TMEM168: variants seen among roughly 807,000 people sequenced by gnomAD.
TMEM168 encodes the protein transmembrane protein 168.
TMEM168 carries 40 observed loss-of-function variants against 53.2 expected under a neutral mutation model. The observed-to-expected ratio is 0.75, with a 90% CI of 0.58 to 0.98. The LOEUF (loss-of-function observed/expected upper bound fraction) is 0.98, where lower values mean the gene tolerates loss of function less well. Among genes scored for constraint, TMEM168 ranks in the 50% least tolerant of loss-of-function variants. The probability of loss-of-function intolerance (pLI) is 0.00; values close to 1 mark genes in which losing one functional copy is unlikely to be tolerated. For missense variants in TMEM168, 771 were observed against 828.8 expected (o/e 0.93, Z 0.86); for synonymous variants, 282 against 293.0 (o/e 0.96, Z 0.38).
In TMEM168 at chr7:112,765,854, C is replaced by CTAACT. The variant is rs1297544390; in HGVS notation, c.*1338_*1342dup. The CTAACT allele has an allele frequency of 6.6e-6, 1 of 152,324 alleles. No individual in the cohort carries two copies. Among genetic ancestry groups the CTAACT allele is most frequent in the African/African-American group, 2.4e-5 (1 of 41,380 alleles). The allele number at this position is 152,324 out of a possible 1,614,324, so 9.4% of individuals were successfully genotyped here. A position where few individuals can be genotyped will look rare whatever the true frequency, so the allele number is the denominator to read the frequency against. On this transcript the variant is annotated 3_prime_UTR_variant, in exon 5 of 5. Transcript: ENST00000312814. Reference sequence around the variant, plus strand: ...CAAGTTCCCTGACTCTAACTTCTTCCTAACTTAAAAGTTCAATTTTCAAGT... The same window carrying CTAACT: ...CAAGTTCCCTGACTCTAACTTCTTCCTAACTTAACTTAAAAGTTCAATTTTCAAGT...
At chr7:112,769,908 G>C (rs1031450128) in intron 4 of TMEM168, among the ~76,000 whole-genome samples, 2 of 152,108 alleles carry the variant, frequency 1.3e-5, no homozygotes, top group African/African-American at 4.8e-5. Context: ...TGTGAGTGAA[G>C]GTATGGGATA....
chr7:112,775,279 A>T lies in TMEM168; in HGVS notation c.1168T>A (p.Leu390Met). Residue 390 changes from leucine (L) to methionine (M), a missense_variant, in exon 3 of 5, where the codon TTG becomes ATG. Leu to Met is a conservative substitution (Grantham distance 15, BLOSUM62 2). Transcript: ENST00000312814. ...GIFLSMFLIVLPLESMAHGLF... is the reference protein window; with the variant it reads ...GIFLSMFLIVMPLESMAHGLF... ...CCATGAGCCATGGATTCCAATGGCAAAACGATTAGAAACATGCTCAAGAAA... is the reference window on the plus strand; with the variant it reads ...CCATGAGCCATGGATTCCAATGGCATAACGATTAGAAACATGCTCAAGAAA... 1.2e-6 allele frequency: 2 copies of T among 1,613,474 alleles called. No homozygotes were observed.
intron 3 of TMEM168, among the ~76,000 whole-genome samples, chr7:112,774,042 T>C (rs1793002444): frequency 6.6e-6 from 1 of 152,194 alleles, no homozygotes; most frequent in African/African-American, 2.4e-5. Flanking sequence ...TTCCTACAAA[T>C]AGTCTATTTG....
At chr7:112,770,595 G>A (rs893013239) in intron 4 of TMEM168, among the ~76,000 whole-genome samples, 8 of 125,186 alleles carry the variant, frequency 6.4e-5, no homozygotes, top group South Asian at 2.4e-4. Flanking sequence ...GAAAAACTGC[G>A]AGAGATATAT....
chr7:112,765,747 A>ATTT lies in TMEM168; in HGVS notation c.*1447_*1449dup, dbSNP rs1157845497. 3 of 152,620 alleles carry ATTT rather than the reference A, an allele frequency of 2.0e-5. No individual in the cohort carries two copies. The highest frequency in any genetic ancestry group is 4.4e-5 in the Non-Finnish European group (3 of 68,018). 9.5% of individuals were successfully genotyped at this position (152,620 alleles called of 1,614,324 possible). ...AAATAAAAAATTAATTTTTAACAAA[A>ATTT]TTTTATTTAGAGCATTAGGAAAATC... On this transcript the variant is annotated 3_prime_UTR_variant, in exon 5 of 5. Transcript: ENST00000312814.
intron 4 of TMEM168, among the ~76,000 whole-genome samples, chr7:112,768,129 T>C (rs1310359496): frequency 6.6e-6 from 1 of 152,190 alleles, no homozygotes; most frequent in Non-Finnish European, 1.5e-5. Flanking sequence ...CCACCTCTTT[T>C]TGTATGGCCT....
intron 2 of TMEM168, among the ~76,000 whole-genome samples, chr7:112,777,619 G>A (rs1379873494): frequency 6.6e-6 from 1 of 151,986 alleles, no homozygotes; most frequent in Non-Finnish European, 1.5e-5. Flanking sequence ...CTTCTGAACT[G>A]TATCTTCCAG....
Position 112,772,849 on chromosome 7 carries a change from G to C in TMEM168, c.1478C>G (p.Pro493Arg), listed in dbSNP as rs764779279. 6.2e-7 allele frequency: 1 copy of C among 1,614,020 alleles called. No individual in the cohort carries two copies. Among genetic ancestry groups the C allele is most frequent in the East Asian group, 2.2e-5 (1 of 44,872 alleles). ...ATACAAAATATACGTATCATGTCTG[G>C]GTCCATCCACTGTCCGAAGTTCGAG... ...AFLELRTVDG[P>R]RHDTYILYYS... The change falls in exon 4 of 5, where the codon CCC (proline) becomes CGC (arginine). Residue 493 changes from proline to arginine, a missense_variant. Physicochemically the swap from Pro to Arg is moderately radical, Grantham distance 103. Coordinates refer to ENST00000312814, the MANE Select transcript of TMEM168 (RefSeq NM_022484.6).
intron 1 of TMEM168, chr7:112,788,310 T>G (rs1361622861): frequency 6.6e-6 from 1 of 152,170 alleles, no homozygotes; most frequent in African/African-American, 2.4e-5. Context: ...CACACATATA[T>G]TAATCTACCT....
chr7:112,785,613 T>C (rs1793357797), intron 1 of TMEM168, among the ~76,000 whole-genome samples: 2 of 152,292 alleles, frequency 1.3e-5, no homozygotes, highest in African/African-American at 2.4e-5. Flanking sequence ...ACTATCTCTA[T>C]AGCAAACCAA....
Position 112,784,154 on chromosome 7 carries a change from A to T in TMEM168, c.672T>A (p.Ile224=), listed in dbSNP as rs921265456. The change falls in exon 2 of 5, where the codon ATT becomes ATA. Residue 224 remains isoleucine, a synonymous_variant. Coordinates refer to ENST00000312814, the MANE Select transcript of TMEM168 (RefSeq NM_022484.6). The part of the protein sequence containing the change: ...FSSLETPKNP[I]AFACFFICLI... ...GGCAAATAAAAAAACACGCAAAAGCAATCGGATTTTTGGGAGTTTCCAATG... is the reference window on the plus strand; with the variant it reads ...GGCAAATAAAAAAACACGCAAAAGCTATCGGATTTTTGGGAGTTTCCAATG... 2 of 1,614,104 alleles carry T rather than the reference A, an allele frequency of 1.2e-6. No individual in the cohort carries two copies. Among genetic ancestry groups the T allele is most frequent in the African/African-American group, 2.7e-5 (2 of 75,058 alleles).
At chr7:112,782,015 A>T (rs1793245523) in intron 2 of TMEM168, among the ~76,000 whole-genome samples, 1 of 152,222 alleles carries the variant, frequency 6.6e-6, no homozygotes, top group Non-Finnish European at 1.5e-5. Context: ...TCGTATCCAG[A>T]ATATATAAGG....
At position 112,784,730 on chromosome 7, in the gene TMEM168, T is replaced by A; in HGVS notation, c.96A>T (p.Ser32=). Residue 32 remains serine (S), a synonymous_variant, in exon 2 of 5, where the codon TCA becomes TCT. Transcript: ENST00000312814. ...EVNREVNMHS[S]VRYLGYLARI... ...TGGCTAAATAGCCAAGATACCGCAC[T>A]GAAGAATGCATGTTCACTTCTCTAT... The A allele has an allele frequency of 6.2e-7, 1 of 1,613,950 alleles. No individual in the cohort carries two copies. The highest frequency in any genetic ancestry group is 8.5e-7 in the Non-Finnish European group (1 of 1,179,974).
Position 112,766,912 on chromosome 7 carries a change from T to G in TMEM168, c.*285A>C. The G allele has an allele frequency of 2.9e-6, 1 of 350,544 alleles. No homozygotes were observed. The highest frequency in any genetic ancestry group is 5.2e-6 in the Non-Finnish European group (1 of 193,670). The allele number at this position is 350,544 out of a possible 1,614,324, so 21.7% of individuals were successfully genotyped here. ...CCATTGCAGAGCATAGACAACTGTT[T>G]CTTTCTAATCAGGACCATAAGCAAA... On this transcript the variant is annotated 3_prime_UTR_variant, in exon 5 of 5. Coordinates refer to ENST00000312814, the MANE Select transcript of TMEM168 (RefSeq NM_022484.6).
chr7:112,779,441 G>A lies in TMEM168; in HGVS notation c.1129-4123C>T, dbSNP rs117790282. On this transcript the variant is annotated intron_variant, in intron 2 of 4. Coordinates refer to ENST00000312814, the MANE Select transcript of TMEM168 (RefSeq NM_022484.6). ...CTTTCAGAGAGCTTCAATTTTATTGGCCTGCAAACCTTTATTCTATAGCTT... is the reference window on the plus strand; with the variant it reads ...CTTTCAGAGAGCTTCAATTTTATTGACCTGCAAACCTTTATTCTATAGCTT... 6.4e-3 allele frequency among the ~76,000 whole-genome samples: 981 copies of A among 152,208 alleles called. 19 individuals are homozygous for A. The South Asian group carries it at 0.073, about 11-fold the overall frequency.
chr7:112,766,175 G>A lies in TMEM168; in HGVS notation c.*1022C>T, dbSNP rs1458311355. 6.6e-6 allele frequency: 1 copy of A among 152,416 alleles called. No homozygotes were observed. The highest frequency in any genetic ancestry group is 1.9e-4 in the East Asian group (1 of 5,194). The allele number at this position is 152,416 out of a possible 1,614,324, so 9.4% of individuals were successfully genotyped here. A position where few individuals can be genotyped will look rare whatever the true frequency, so the allele number is the denominator to read the frequency against. The stretch of plus-strand genomic sequence containing the variant: ...CACAATATTATGCCTAACTAAAATT[G>A]CCAATATGAATACTTTTTTACAGAA... On this transcript the variant is annotated 3_prime_UTR_variant, in exon 5 of 5. Coordinates refer to ENST00000312814, the MANE Select transcript of TMEM168 (RefSeq NM_022484.6).
At chr7:112,786,321 C>G (rs1168688432) in intron 1 of TMEM168, among the ~76,000 whole-genome samples, 2 of 152,116 alleles carry the variant, frequency 1.3e-5, no homozygotes, top group Non-Finnish European at 2.9e-5. Context: ...TAGTACTCAT[C>G]TGGCTGGAGA....
In TMEM168 at chr7:112,771,282, G is replaced by A. The variant is rs575216189; in HGVS notation, c.1546+1499C>T. On this transcript the variant is annotated intron_variant, in intron 4 of 4. Transcript: ENST00000312814. The stretch of plus-strand genomic sequence containing the variant: ...TATCATCATGGCTTTCACCCTTGGA[G>A]GCAACATGGTAGAGTGGGGGGAAAA... 1.5e-3 allele frequency among the ~76,000 whole-genome samples: 233 copies of A among 152,274 alleles called. 1 individual carries two copies. Among genetic ancestry groups the A allele is most frequent in the African/African-American group, 5.3e-3 (220 of 41,556 alleles).
intron 2 of TMEM168, among the ~76,000 whole-genome samples, chr7:112,782,060 TG>T (rs1229405622): frequency 1.3e-5 from 2 of 152,264 alleles, no homozygotes; most frequent in East Asian, 3.9e-4. Context: ...AGCTTTAAAA[TG>T]AGCAAAAGAT....
Sources: allele counts gnomAD v4.1 joint callset (sites outside exome capture counted in the v4.1 genomes callset), GRCh38; gene constraint gnomAD v4.1.1; transcripts MANE v1.5; gene names NCBI Gene and HGNC (gene_info 2026-07-23, HGNC 2026-07-21).